The following ERBB4 variants were observed in gnomAD, a reference collection of about 807,000 sequenced individuals.
The protein encoded by ERBB4 is erb-b2 receptor tyrosine kinase 4.
ERBB4 carries 42 observed loss-of-function variants against 158.0 expected under a neutral mutation model. The observed-to-expected ratio is 0.27, with a 90% confidence interval of 0.21 to 0.34. The LOEUF is 0.34. Among genes scored for constraint, ERBB4 ranks in the 10% least tolerant of loss-of-function variants. ERBB4 has a pLI of 1.00. For missense variants in ERBB4, 1,333 were observed against 1,624.1 expected (o/e 0.82, Z 3.08); for synonymous variants, 583 against 558.7 (o/e 1.04, Z -0.61).
rs369642802 is a variant in ERBB4, at chr2:212,380,979, T to G, written c.82+157470A>C. Among the ~76,000 whole-genome samples, 6 of 151,496 alleles carry G rather than the reference T, an allele frequency of 4.0e-5. No homozygotes were observed. In the Admixed American group the frequency reaches 4.0e-4, roughly 10 times the overall value. On this transcript the variant is annotated intron_variant, in intron 1 of 27. Coordinates refer to ENST00000342788, the MANE Select transcript of ERBB4 (RefSeq NM_005235.3). ...TCCTAAAGCAAAGGAGATAGGTTTCTTTTTTCGTTTTCATTGTTTCAAGTA... is the reference window on the plus strand; with the variant it reads ...TCCTAAAGCAAAGGAGATAGGTTTCGTTTTTCGTTTTCATTGTTTCAAGTA...
chr2:212,453,224 C>T (rs1688096559), intron 1 of ERBB4, among the ~76,000 whole-genome samples: 1 of 152,168 alleles, frequency 6.6e-6, no homozygotes, highest in Non-Finnish European at 1.5e-5. Flanking sequence ...ATATCTTCCC[C>T]TTACCCCCTC....
intron 1 of ERBB4, among the ~76,000 whole-genome samples, chr2:212,522,463 G>A (rs1336795311): frequency 6.6e-6 from 1 of 151,912 alleles, no homozygotes; most frequent in African/African-American, 2.4e-5. Flanking sequence ...AGCTTGAGTC[G>A]GAGATGCTGT....
chr2:211,799,798 G>C (rs569031746), intron 3 of ERBB4, among the ~76,000 whole-genome samples: 1 of 152,114 alleles, frequency 6.6e-6, no homozygotes, highest in Admixed American at 6.6e-5. Context: ...TTGAGGGAAA[G>C]ATAAGAAGAG....
chr2:211,714,930 T>G (rs960832696), intron 7 of ERBB4, among the ~76,000 whole-genome samples: 2 of 152,130 alleles, frequency 1.3e-5, no homozygotes, highest in African/African-American at 4.8e-5. Context: ...TACCTATGGC[T>G]GTGTGGGGGC....
chr2:212,303,873 T>C (rs895277817), intron 1 of ERBB4, among the ~76,000 whole-genome samples: 4 of 151,460 alleles, frequency 2.6e-5, no homozygotes, highest in African/African-American at 9.7e-5. Context: ...GAAATATCTT[T>C]TGAAATGGAC....
intron 3 of ERBB4, among the ~76,000 whole-genome samples, chr2:211,919,061 T>C (rs963219059): frequency 2.6e-5 from 4 of 152,084 alleles, no homozygotes; most frequent in Non-Finnish European, 5.9e-5. Context: ...TGGAGGTCTA[T>C]CTTATTTCCC....
At chr2:211,947,780 CA>C (rs2080744155) in intron 2 of ERBB4, among the ~76,000 whole-genome samples, 164 bp from the exon 3 acceptor site, 1 of 152,132 alleles carries the variant, frequency 6.6e-6, no homozygotes, top group Non-Finnish European at 1.5e-5. Context: ...AATAAAAGAT[CA>C]CAAAGGGTTA....
chr2:211,825,976 C>T (rs994612035), intron 3 of ERBB4, among the ~76,000 whole-genome samples: 2 of 150,224 alleles, frequency 1.3e-5, no homozygotes, highest in Admixed American at 6.7e-5. Flanking sequence ...GCAGAACTTC[C>T]AAGTTAGACT....
At chr2:211,581,240 A>G (rs1327478140) in intron 19 of ERBB4, among the ~76,000 whole-genome samples, 1 of 151,978 alleles carries the variant, frequency 6.6e-6, no homozygotes, top group Non-Finnish European at 1.5e-5. Flanking sequence ...GTAACAAAAC[A>G]TCACCTGTTC....
chr2:211,929,068 T>A (rs1331174910), intron 3 of ERBB4, among the ~76,000 whole-genome samples: 1 of 152,152 alleles, frequency 6.6e-6, no homozygotes, highest in Admixed American at 6.6e-5. Context: ...CCTTCATGGG[T>A]ACATGTAATA....
chr2:212,058,060 G>A (rs1041006908), intron 2 of ERBB4, among the ~76,000 whole-genome samples: 1 of 152,098 alleles, frequency 6.6e-6, no homozygotes, highest in Non-Finnish European at 1.5e-5. Flanking sequence ...GGAGAGAAGA[G>A]AGAAGAATCA....
At position 211,705,373 on chromosome 2, in the gene ERBB4, A is replaced by C; in HGVS notation, c.1143T>G (p.Ile381Met). The change falls in exon 10 of 28, where the codon ATT becomes ATG. Residue 381 changes from isoleucine to methionine, a missense_variant. Physicochemically the swap from Ile to Met is conservative, Grantham distance 10 (BLOSUM62 1). Around this residue, in one of 5 missense-constraint regions of ERBB4, gnomAD observed 438 missense variants for 586.9 expected, o/e 0.75. Transcript: ENST00000342788. Reference protein sequence around the residue: ...TGIHGDPYNAIEAIDPEKLNV... With the variant: ...TGIHGDPYNAMEAIDPEKLNV... Reference sequence around the variant, plus strand: ...TCAGTTTCTCTGGGTCTATGGCTTCAATTGCATTGTAAGGGTCCCTAGAAA... The same window carrying C: ...TCAGTTTCTCTGGGTCTATGGCTTCCATTGCATTGTAAGGGTCCCTAGAAA... 1 of 1,612,218 alleles carries C rather than the reference A, an allele frequency of 6.2e-7. No homozygotes were observed. The highest frequency in any genetic ancestry group is 8.5e-7 in the Non-Finnish European group (1 of 1,178,248).
At chr2:212,508,770 T>C (rs1426153666) in intron 1 of ERBB4, among the ~76,000 whole-genome samples, 2 of 152,098 alleles carry the variant, frequency 1.3e-5, no homozygotes, top group African/African-American at 4.8e-5. Flanking sequence ...CTCTTAATAA[T>C]CACAATAGCA....
intron 3 of ERBB4, among the ~76,000 whole-genome samples, chr2:211,929,540 G>A (rs183912515): frequency 6.6e-6 from 1 of 152,014 alleles, no homozygotes; most frequent in African/African-American, 2.4e-5. Flanking sequence ...CATTTCCCAT[G>A]ACACACACCA....
Position 212,006,391 on chromosome 2 carries a change from A to T in ERBB4, c.235-58775T>A, listed in dbSNP as rs550570318. The stretch of plus-strand genomic sequence containing the variant: ...TTAATCTTAAATTAAGGTTCACCTC[A>T]ACGTTCTTAAATATGAACTAATGTT... On this transcript the variant is annotated intron_variant, in intron 2 of 27. Transcript: ENST00000342788. 5.3e-5 allele frequency among the ~76,000 whole-genome samples: 8 copies of T among 152,254 alleles called. No individual in the cohort carries two copies. The South Asian group carries it at 1.7e-3, about 32-fold the overall frequency.
intron 2 of ERBB4, among the ~76,000 whole-genome samples, chr2:211,969,397 T>C (rs920323717): frequency 3.3e-5 from 5 of 152,088 alleles, no homozygotes; most frequent in African/African-American, 1.2e-4. Flanking sequence ...CTATGGTTTA[T>C]CATATGTAAT....
intron 1 of ERBB4, among the ~76,000 whole-genome samples, chr2:212,338,745 G>T (rs1255350692): frequency 6.6e-6 from 1 of 152,036 alleles, no homozygotes; most frequent in African/African-American, 2.4e-5. Context: ...ATTCATAAAA[G>T]AAAATTCAGA....
At chr2:211,725,568 C>G (rs1168769169) in intron 5 of ERBB4, among the ~76,000 whole-genome samples, 2 of 152,078 alleles carry the variant, frequency 1.3e-5, no homozygotes, top group Non-Finnish European at 2.9e-5. Context: ...TACGACTGCA[C>G]TTGTGAATAG....
At chr2:212,053,395 T>C (rs116104325) in intron 2 of ERBB4, among the ~76,000 whole-genome samples, 55 of 152,148 alleles carry the variant, frequency 3.6e-4, no homozygotes, top group African/African-American at 1.2e-3. Context: ...CCTGGACACA[T>C]CCTAAAAATC....
Sources: gnomAD v4.1 joint callset for allele counts (sites outside exome capture counted in the v4.1 genomes callset) on GRCh38, gnomAD v4.1.1 for gene constraint, gnomAD v4.1.1 regional missense constraint, MANE v1.5 for transcripts, NCBI Gene and HGNC (gene_info 2026-07-23, HGNC 2026-07-21) for gene names.